The following WWOX variants were observed in gnomAD, a reference collection of about 807,000 sequenced individuals.
The protein encoded by WWOX is WW domain containing oxidoreductase.
Under a neutral mutation model 46.2 loss-of-function variants are expected in WWOX, and 69 were observed. The observed-to-expected ratio is 1.49, with a 90% CI of 1.23 to 1.82. The LOEUF (loss-of-function observed/expected upper bound fraction) is 1.82. Ranked by LOEUF, WWOX falls within the 40% of genes most tolerant of loss-of-function variation. The probability of loss-of-function intolerance (pLI) is 0.00; values close to 1 mark genes in which losing one functional copy is unlikely to be tolerated. For synonymous variants in WWOX, 359 were observed against 202.6 expected, an observed-to-expected ratio of 1.77 and a Z score of -6.56; for missense variants, 919 against 542.6, an observed-to-expected ratio of 1.69 and a Z score of -6.89.
chr16:78,508,461 A>C (rs968937970), intron 8 of WWOX, among the ~76,000 whole-genome samples: 1 of 152,054 alleles, frequency 6.6e-6, no homozygotes, highest in African/African-American at 2.4e-5. Flanking sequence ...CAACACAGCC[A>C]TCTAGCTGCA....
chr16:78,690,749 G>C (rs1010414911), intron 8 of WWOX, among the ~76,000 whole-genome samples: 7 of 152,096 alleles, frequency 4.6e-5, no homozygotes, highest in African/African-American at 1.7e-4. Context: ...CTACCATTAA[G>C]TCCCTGAATT....
At chr16:78,186,268 A>G (rs911090108) in intron 5 of WWOX, among the ~76,000 whole-genome samples, 5 of 151,044 alleles carry the variant, frequency 3.3e-5, no homozygotes, top group African/African-American at 1.2e-4. Flanking sequence ...CGGCTCCTGG[A>G]AAGGTTAACA....
At chr16:78,916,878 G>C (rs1037819134) in intron 8 of WWOX, among the ~76,000 whole-genome samples, 2 of 152,162 alleles carry the variant, frequency 1.3e-5, no homozygotes, top group Non-Finnish European at 2.9e-5. Context: ...ATTCAAACAG[G>C]CTTAATTAAC....
intron 8 of WWOX, among the ~76,000 whole-genome samples, chr16:78,446,677 T>G (rs1479395457): frequency 2.9e-5 from 3 of 103,744 alleles, no homozygotes; most frequent in African/African-American, 2.5e-4. Flanking sequence ...TTTTTTTTTT[T>G]TTTTGAGGTG....
intron 8 of WWOX, among the ~76,000 whole-genome samples, chr16:78,437,724 ATGCAATATACTTCAAATAGC>A (rs2083364530): frequency 6.6e-6 from 1 of 152,256 alleles, no homozygotes; most frequent in African/African-American, 2.4e-5. Flanking sequence ...TCTAAAAAAG[ATGCAATATACTTCAAATAGC>A]TGCTTCTAAA....
chr16:78,919,708 G>T (rs35740183), intron 8 of WWOX, among the ~76,000 whole-genome samples: 26,713 of 151,600 alleles, frequency 0.18, 2,971 homozygotes, highest in South Asian at 0.28. Context: ...AGGAGAGAGG[G>T]GTTTTACCAT....
intron 8 of WWOX, among the ~76,000 whole-genome samples, chr16:78,997,148 G>A (rs1158606696): frequency 1.3e-5 from 2 of 151,764 alleles, no homozygotes; most frequent in East Asian, 3.9e-4. Flanking sequence ...GTGTGTGCCT[G>A]GTGAGGGGGG....
intron 8 of WWOX, among the ~76,000 whole-genome samples, chr16:78,917,534 C>G (rs2045280409): frequency 6.6e-6 from 1 of 152,018 alleles, no homozygotes; most frequent in African/African-American, 2.4e-5. Flanking sequence ...ACAAAATGGT[C>G]TGTTGGAAAT....
At chr16:78,460,733 G>T (rs901647695) in intron 8 of WWOX, among the ~76,000 whole-genome samples, 1 of 152,204 alleles carries the variant, frequency 6.6e-6, no homozygotes, top group African/African-American at 2.4e-5. Flanking sequence ...TTCGATCCAC[G>T]TGGCATAGCA....
At chr16:78,515,211 G>A (rs370795686) in intron 8 of WWOX, among the ~76,000 whole-genome samples, 9 of 152,276 alleles carry the variant, frequency 5.9e-5, no homozygotes, top group Non-Finnish European at 1.2e-4. Flanking sequence ...GCGACAGAGC[G>A]AGACCCTGTC....
At chr16:78,866,346 C>T (rs1287207482) in intron 8 of WWOX, among the ~76,000 whole-genome samples, 2 of 152,020 alleles carry the variant, frequency 1.3e-5, no homozygotes, top group African/African-American at 2.4e-5. Flanking sequence ...GGGACTGAGA[C>T]ATGATTAACT....
intron 8 of WWOX, among the ~76,000 whole-genome samples, chr16:78,892,781 G>A (rs2044619197): frequency 6.6e-6 from 1 of 152,148 alleles, no homozygotes; most frequent in Non-Finnish European, 1.5e-5. Flanking sequence ...GTAGAGTTTT[G>A]TTAGCCACGA....
chr16:78,392,966 G>T (rs2082208564), intron 6 of WWOX, among the ~76,000 whole-genome samples: 1 of 152,124 alleles, frequency 6.6e-6, no homozygotes, highest in Non-Finnish European at 1.5e-5. Context: ...AGAGTTAGCG[G>T]TAGCAGCGGT....
chr16:79,168,299 T>C (rs34646562), intron 8 of WWOX, among the ~76,000 whole-genome samples: 1 of 152,190 alleles, frequency 6.6e-6, no homozygotes, highest in African/African-American at 2.4e-5. Flanking sequence ...TTTGATGAAC[T>C]GACAAACTGC....
chr16:78,839,100 C>G (rs1011940985), intron 8 of WWOX, among the ~76,000 whole-genome samples: 9 of 151,930 alleles, frequency 5.9e-5, no homozygotes, highest in Non-Finnish European at 4.4e-5. Flanking sequence ...TATTTCTTGA[C>G]TGCATGTGAA....
chr16:78,224,018 TTTGAGACTGGAGTCTTGCTCTG>T (rs918696945), intron 5 of WWOX, among the ~76,000 whole-genome samples: 17 of 152,176 alleles, frequency 1.1e-4, no homozygotes, highest in African/African-American at 3.9e-4. Flanking sequence ...CCTTCTTTTT[TTTGAGACTGGAGTCTTGCTCTG>T]TTGCCCAGGC....
At chr16:78,573,392 A>G (rs1258240786) in intron 8 of WWOX, among the ~76,000 whole-genome samples, 4 of 152,196 alleles carry the variant, frequency 2.6e-5, no homozygotes, top group South Asian at 2.1e-4. Flanking sequence ...CTTCTTAGCC[A>G]TTTTGACCTG....
At chr16:79,085,423 G>A (rs954517335) in intron 8 of WWOX, among the ~76,000 whole-genome samples, 3 of 152,096 alleles carry the variant, frequency 2.0e-5, no homozygotes, top group Admixed American at 6.5e-5. Context: ...GCTGAGCTTT[G>A]AAAAAGAGCT....
intron 8 of WWOX, chr16:79,004,859 A>G (rs562962227): frequency 2.6e-5 from 4 of 152,288 alleles, no homozygotes; most frequent in Middle Eastern, 3.4e-3. Flanking sequence ...CCGTGCACCT[A>G]TGTGAGATTT....
Sources: gnomAD v4.1 joint callset for allele counts (sites outside exome capture counted in the v4.1 genomes callset) on GRCh38, gnomAD v4.1.1 for gene constraint, MANE v1.5 for transcripts, NCBI Gene and HGNC (gene_info 2026-07-23, HGNC 2026-07-21) for gene names.